ADAMTSL1: variants seen among roughly 807,000 people sequenced by gnomAD.
ADAMTSL1 encodes ADAMTS-like protein 1.
In ADAMTSL1, 126 loss-of-function variants were observed where a neutral mutation model predicts 201.8. The observed-to-expected ratio is 0.62, with a 90% confidence interval of 0.54 to 0.72. The LOEUF (loss-of-function observed/expected upper bound fraction) is 0.72, where lower values mean the gene tolerates loss of function less well. ADAMTSL1 is among the 30% of genes least tolerant of loss of function. The pLI, the probability that ADAMTSL1 is intolerant of heterozygous loss-of-function variation, is 0.00. For synonymous variants in ADAMTSL1, 1,121 were observed against 903.4 expected (o/e 1.24, Z -4.32); for missense variants, 2,679 against 2,277.8 (o/e 1.18, Z -3.59).
At chr9:18,705,920 A>G (rs1313658309) in intron 13 of ADAMTSL1, among the ~76,000 whole-genome samples, 1 of 152,222 alleles carries the variant, frequency 6.6e-6, no homozygotes, top group Non-Finnish European at 1.5e-5. Context: ...GGCAAACCCC[A>G]AAACTGAGGT....
intron 1 of ADAMTSL1, among the ~76,000 whole-genome samples, chr9:17,948,729 C>G (rs1358426456): frequency 1.3e-5 from 2 of 152,134 alleles, no homozygotes; most frequent in Non-Finnish European, 2.9e-5. Flanking sequence ...AAACTGGAAA[C>G]TAGTTAAACC....
Position 18,474,179 on chromosome 9 carries a change from G to A in ADAMTSL1, c.-54G>A. 1 of 1,556,756 alleles carries A rather than the reference G, an allele frequency of 6.4e-7. No individual in the cohort carries two copies. Among genetic ancestry groups the A allele is most frequent in the South Asian group, 1.1e-5 (1 of 89,564 alleles). ...GTACTGGATGTGACAGCAGGCAGAGGAGCACTTAGCAGCTTATTCAGTGTC... is the reference window on the plus strand; with the variant it reads ...GTACTGGATGTGACAGCAGGCAGAGAAGCACTTAGCAGCTTATTCAGTGTC... On this transcript the variant is annotated 5_prime_UTR_variant, in exon 1 of 29. Transcript: ENST00000380548.
intron 2 of ADAMTSL1, among the ~76,000 whole-genome samples, chr9:18,515,085 T>G (rs1449552236): frequency 4.6e-5 from 7 of 152,160 alleles, no homozygotes; most frequent in African/African-American, 9.7e-5. Context: ...TAGTTACACT[T>G]TAGAATCACC....
intron 23 of ADAMTSL1, among the ~76,000 whole-genome samples, chr9:18,873,883 T>C (rs973113250): frequency 6.6e-6 from 1 of 152,146 alleles, no homozygotes; most frequent in African/African-American, 2.4e-5. Flanking sequence ...AGATGACTTT[T>C]GGCAGTATGG....
chr9:18,690,409 C>T (rs1198794541), intron 13 of ADAMTSL1, among the ~76,000 whole-genome samples: 1 of 152,030 alleles, frequency 6.6e-6, no homozygotes, highest in Non-Finnish European at 1.5e-5. Context: ...ATGTAGTGAA[C>T]CAAACATCAT....
intron 13 of ADAMTSL1, among the ~76,000 whole-genome samples, chr9:18,701,031 C>A (rs1011815104): frequency 6.6e-6 from 1 of 152,092 alleles, no homozygotes; most frequent in Non-Finnish European, 1.5e-5. Context: ...GGGCAACAAT[C>A]AACTGCATTC....
In ADAMTSL1 at chr9:18,817,144, A is replaced by G; in HGVS notation, c.3841A>G (p.Ile1281Val). 6.2e-7 allele frequency: 1 copy of G among 1,603,814 alleles called. No homozygotes were observed. Among genetic ancestry groups the G allele is most frequent in the Non-Finnish European group, 8.5e-7 (1 of 1,175,124 alleles). ...PLVKTSRMTV[I>V]NTEKPAVTVD... ...AGTGAAAACGTCACGAATGACAGTG[A>G]TCAACACGGAGAAGCCTGCAGTCAC... Residue 1281 changes from isoleucine (I) to valine (V), a missense_variant, in exon 21 of 29, where the codon ATC becomes GTC. Transcript: ENST00000380548.
rs755330972 is a variant in ADAMTSL1, at chr9:18,504,914, G to A, written c.149G>A (p.Gly50Glu). 5 of 1,612,846 alleles carry A rather than the reference G, an allele frequency of 3.1e-6. No homozygotes were observed. The highest frequency in any genetic ancestry group is 4.2e-6 in the Non-Finnish European group (5 of 1,179,712). ...GPWSECSRTC[G>E]GGASYSLRRC... ...TGGAGTGAATGCTCACGCACCTGCG[G>A]GGGTGGGGCCTCCTACTCTCTGAGG... Residue 50 changes from glycine to glutamate, a missense_variant, in exon 2 of 29, where the codon GGG becomes GAG. Transcript: ENST00000380548.
intron 19 of ADAMTSL1, among the ~76,000 whole-genome samples, chr9:18,793,822 TAC>T (rs1421803139): frequency 6.6e-6 from 1 of 152,142 alleles, no homozygotes; most frequent in Non-Finnish European, 1.5e-5. Flanking sequence ...CTCCTCCACA[TAC>T]ACATTCCAGT....
rs73420864 is a variant in ADAMTSL1 at position 18,101,896 on chromosome 9, G to A, written c.88-61966G>A. On this transcript the variant is annotated intron_variant, in intron 1 of 29. Coordinates refer to the ADAMTSL1 transcript ENST00000680146. ...CTCTCCCACATCAGTGTTTCTTCTT[G>A]GTGAGAAGGTTGGTTCTGTGTATAG... Among the ~76,000 whole-genome samples, 760 of 152,242 alleles carry A rather than the reference G, an allele frequency of 5.0e-3. 6 individuals carry two copies. Among genetic ancestry groups the A allele is most frequent in the African/African-American group, 0.017 (715 of 41,528 alleles).
intron 23 of ADAMTSL1, among the ~76,000 whole-genome samples, chr9:18,887,280 T>C (rs1428089830): frequency 1.3e-5 from 2 of 152,200 alleles, no homozygotes; most frequent in Non-Finnish European, 2.9e-5. Flanking sequence ...AGTGCAGGCT[T>C]GGCAAAAGCC....
chr9:18,830,683 C>T (rs1274619565), intron 23 of ADAMTSL1, among the ~76,000 whole-genome samples: 1 of 151,854 alleles, frequency 6.6e-6, no homozygotes. Flanking sequence ...CCTCTGGAGA[C>T]GGACAAGGTG....
At chr9:18,080,388 C>T (rs1345981961) in intron 1 of ADAMTSL1, among the ~76,000 whole-genome samples, 1 of 152,164 alleles carries the variant, frequency 6.6e-6, no homozygotes, top group South Asian at 2.1e-4. Context: ...TACAAGATGC[C>T]TCTGAGCAAA....
At chr9:18,612,577 A>C (rs1242975408) in intron 4 of ADAMTSL1, among the ~76,000 whole-genome samples, 1 of 152,188 alleles carries the variant, frequency 6.6e-6, no homozygotes, top group Non-Finnish European at 1.5e-5. Context: ...ATAAGACTGC[A>C]CACCTACAAC....
At chr9:18,546,310 TC>T (rs1215683708) in intron 3 of ADAMTSL1, among the ~76,000 whole-genome samples, 1 of 152,094 alleles carries the variant, frequency 6.6e-6, no homozygotes, top group Admixed American at 6.6e-5. Flanking sequence ...ATTATTATTT[TC>T]ATTATTATTG....
At chr9:18,248,471 T>C (rs1352825326) in intron 2 of ADAMTSL1, among the ~76,000 whole-genome samples, 3 of 151,944 alleles carry the variant, frequency 2.0e-5, no homozygotes, top group African/African-American at 7.3e-5. Flanking sequence ...TCTATGTTAT[T>C]TGAGAAATAC....
chr9:18,337,287 C>T (rs1835280087), intron 2 of ADAMTSL1, among the ~76,000 whole-genome samples: 1 of 152,148 alleles, frequency 6.6e-6, no homozygotes, highest in African/African-American at 2.4e-5. Flanking sequence ...GCTCTAGGGC[C>T]TTCAGCCACA....
intron 2 of ADAMTSL1, among the ~76,000 whole-genome samples, chr9:18,225,604 A>C (rs1830410291): frequency 6.6e-6 from 1 of 152,156 alleles, no homozygotes; most frequent in Non-Finnish European, 1.5e-5. Flanking sequence ...ATATTAAAAA[A>C]CACTGAACTC....
intron 1 of ADAMTSL1, among the ~76,000 whole-genome samples, chr9:18,126,795 A>C (rs1401350234): frequency 2.0e-5 from 3 of 152,220 alleles, no homozygotes; most frequent in African/African-American, 7.2e-5. Context: ...GTTATCTCTA[A>C]ATCTTTGAAA....
Sources: gnomAD v4.1 joint callset for allele counts (sites outside exome capture counted in the v4.1 genomes callset) on GRCh38, gnomAD v4.1.1 for gene constraint, MANE v1.5 for transcripts, NCBI Gene and HGNC (gene_info 2026-07-23, HGNC 2026-07-21) for gene names.